NHS: variants seen among roughly 807,000 people sequenced by gnomAD.
NHS encodes the protein NHS actin remodeling regulator.
NHS carries 5 observed loss-of-function variants against 72.5 expected under a neutral mutation model. The ratio of observed to expected loss-of-function variants is 0.07; its 90% CI spans 0.04 to 0.14. The LOEUF (loss-of-function observed/expected upper bound fraction) is 0.14. Among genes scored for constraint, NHS ranks in the 10% least tolerant of loss-of-function variants. NHS has a pLI of 1.00. For synonymous variants in NHS, 464 were observed against 547.7 expected (o/e 0.85, Z 2.13); for missense variants, 1,072 against 1,355.7 (o/e 0.79, Z 3.29).
chrX:17,525,589 T>G (rs1001559068), intron 1 of NHS, among the ~76,000 whole-genome samples: 1 of 110,950 alleles, frequency 9.0e-6, no homozygotes, highest in African/African-American at 3.3e-5. Flanking sequence ...TTTGTCTATT[T>G]TTTGCAGCAA....
intron 1 of NHS, among the ~76,000 whole-genome samples, chrX:17,407,131 C>A (rs748995875): frequency 9.0e-6 from 1 of 111,640 alleles, no homozygotes; most frequent in East Asian, 2.8e-4. Flanking sequence ...AGAGCATGAC[C>A]GACATCTAAT....
chrX:17,378,576 T>C (rs895465789), intron 1 of NHS, among the ~76,000 whole-genome samples: 3 of 111,230 alleles, frequency 2.7e-5, no homozygotes, highest in African/African-American at 6.6e-5. Flanking sequence ...AGGATTTCGA[T>C]GCAATTAACT....
At chrX:17,552,019 C>A (rs1280631900) in intron 1 of NHS, among the ~76,000 whole-genome samples, 7 of 101,764 alleles carry the variant, frequency 6.9e-5, no homozygotes, top group African/African-American at 2.3e-4. Context: ...CATTATCATT[C>A]CTCTTTAAAG....
At chrX:17,393,573 C>T in intron 1 of NHS, among the ~76,000 whole-genome samples, 1 of 112,361 alleles carries the variant, frequency 8.9e-6, no homozygotes, top group African/African-American at 3.2e-5. Flanking sequence ...GAGGAGAATC[C>T]TCTTGGATTT....
intron 1 of NHS, among the ~76,000 whole-genome samples, chrX:17,572,568 T>C (rs940312813): frequency 3.9e-5 from 4 of 103,866 alleles, no homozygotes; most frequent in African/African-American, 1.4e-4. Flanking sequence ...AGCCTTTGTG[T>C]GTCTTTGCAT....
rs1361763069 is a variant in NHS, at chrX:17,593,080, A to G, written c.566-94662A>G. Among the ~76,000 whole-genome samples the G allele has an allele frequency of 2.7e-5, 3 of 112,447 alleles. No individual in the cohort carries two copies. In the East Asian group the frequency reaches 8.3e-4, roughly 31 times the overall value. On this transcript the variant is annotated intron_variant, in intron 1 of 8. Transcript: ENST00000676302. ...GAGAAAAGCAGCAGCATGTAATGTA[A>G]GAGCATACTTATTGAAACATCATGG...
intron 1 of NHS, among the ~76,000 whole-genome samples, chrX:17,532,927 G>C (rs949030323): frequency 1.8e-5 from 2 of 112,072 alleles, no homozygotes; most frequent in African/African-American, 6.5e-5. Context: ...GCCATGGGGA[G>C]GAATAAATAA....
chrX:17,548,658 T>G (rs769879068), intron 1 of NHS, among the ~76,000 whole-genome samples: 25 of 111,946 alleles, frequency 2.2e-4, no homozygotes, highest in African/African-American at 5.9e-4. Context: ...TCTCACACAC[T>G]TGTACACACA....
Position 17,588,864 on chromosome X carries a change from C to T in NHS, c.566-98878C>T, listed in dbSNP as rs1369898272. ...CTATAAAAATACATTTCAAAAATTT[C>T]TCAGGGAGGCAATGTGGTATTGTAG... On this transcript the variant is annotated intron_variant, in intron 1 of 8. Coordinates refer to ENST00000676302, the MANE Select transcript of NHS (RefSeq NM_001291867.2). Among the ~76,000 whole-genome samples, 23 of 111,795 alleles carry T rather than the reference C, an allele frequency of 2.1e-4. No individual in the cohort carries two copies. In the Admixed American group the frequency reaches 2.2e-3, roughly 11 times the overall value.
intron 1 of NHS, among the ~76,000 whole-genome samples, chrX:17,655,071 G>A (rs1298248272): frequency 1.8e-5 from 2 of 112,120 alleles, no homozygotes; most frequent in Non-Finnish European, 3.8e-5. Context: ...TTCAGCATCC[G>A]GAGATGAATG....
At chrX:17,617,792 C>T (rs918865146) in intron 1 of NHS, among the ~76,000 whole-genome samples, 1 of 112,335 alleles carries the variant, frequency 8.9e-6, no homozygotes, top group African/African-American at 3.2e-5. Flanking sequence ...GGTTTTGAAA[C>T]AGGTGCAGTC....
chrX:17,528,715 G>A (rs1413740209), intron 1 of NHS: 1 of 111,649 alleles, frequency 9.0e-6, no homozygotes, highest in Admixed American at 9.5e-5. Flanking sequence ...CTTTAAAAAA[G>A]AAGGAAAAAT....
chrX:17,376,466 A>C, intron 1 of NHS, 144 bp downstream of exon 1: 3 of 542,280 alleles, frequency 5.5e-6, no homozygotes, highest in Non-Finnish European at 9.1e-6. Context: ...CACCCTTCCC[A>C]TCCCCTGGGA....
At chrX:17,662,578 C>T (rs1470770375) in intron 1 of NHS, among the ~76,000 whole-genome samples, 3 of 111,789 alleles carry the variant, frequency 2.7e-5, no homozygotes, top group African/African-American at 6.5e-5. Context: ...TGCCAGGATA[C>T]GGATGACTCT....
At chrX:17,391,766 A>G (rs994919725) in intron 1 of NHS, among the ~76,000 whole-genome samples, 1 of 111,767 alleles carries the variant, frequency 8.9e-6, no homozygotes, top group African/African-American at 3.3e-5. Context: ...TGATGGGTGG[A>G]GGAGGTCTGG....
At chrX:17,623,752 G>A (rs2065785798) in intron 1 of NHS, among the ~76,000 whole-genome samples, 2 of 111,892 alleles carry the variant, frequency 1.8e-5, no homozygotes, top group Admixed American at 1.9e-4. Context: ...TTACATAGTG[G>A]TGCCCTCTGT....
At chrX:17,529,669 A>G in intron 1 of NHS, among the ~76,000 whole-genome samples, 1 of 111,976 alleles carries the variant, frequency 8.9e-6, no homozygotes, top group East Asian at 2.8e-4. Context: ...CTCCAACTCA[A>G]AGTCTTTGAA....
In NHS at chrX:17,376,274, G is replaced by T; in HGVS notation, c.517G>T (p.Gly173Cys). ...RVWALQGKLG[G>C]VQRVLSTLDP... ...CTGGGCGCTGCAGGGCAAGCTCGGC[G>T]GCGTGCAGCGCGTCCTCAGCACGCT... Residue 173 changes from glycine to cysteine, a missense_variant, in exon 1 of 9, where the codon GGC (glycine) becomes TGC (cysteine). Gly to Cys is a radical substitution (Grantham distance 159). Coordinates refer to ENST00000676302, the MANE Select transcript of NHS (RefSeq NM_001291867.2). 8.6e-7 allele frequency: 1 copy of T among 1,163,397 alleles called. No homozygotes were observed. The highest frequency in any genetic ancestry group is 3.2e-5 in the East Asian group (1 of 31,535).
intron 1 of NHS, among the ~76,000 whole-genome samples, chrX:17,453,532 T>G (rs1362644294): frequency 2.7e-5 from 3 of 112,227 alleles, no homozygotes; most frequent in Non-Finnish European, 5.6e-5. Flanking sequence ...CTACTAGATC[T>G]TGTTATTCAA....
Sources: gnomAD v4.1 joint callset for allele counts (sites outside exome capture counted in the v4.1 genomes callset) on GRCh38, gnomAD v4.1.1 for gene constraint, MANE v1.5 for transcripts, NCBI Gene and HGNC (gene_info 2026-07-23, HGNC 2026-07-21) for gene names.